CDH13: variants seen among roughly 807,000 people sequenced by gnomAD.
CDH13 encodes cadherin 13, also known as cadherin-13.
In CDH13, 24 loss-of-function variants were observed where a neutral mutation model predicts 63.8. That is an observed-to-expected ratio of 0.38 (90% CI 0.27 to 0.53). The LOEUF is 0.53. Among genes scored for constraint, CDH13 ranks in the 20% least tolerant of loss-of-function variants. The probability of loss-of-function intolerance (pLI) is 0.85; values close to 1 mark genes in which losing one functional copy is unlikely to be tolerated. For synonymous variants in CDH13, 503 were observed against 355.3 expected (o/e 1.42, Z -4.67); for missense variants, 1,049 against 903.1 (o/e 1.16, Z -2.07).
intron 8 of CDH13, among the ~76,000 whole-genome samples, chr16:83,659,709 A>AT (rs1567492098): frequency 6.6e-6 from 1 of 151,992 alleles, no homozygotes; most frequent in East Asian, 1.9e-4. Context: ...CTTTTCTCAG[A>AT]TAAGTGAACT....
chr16:83,200,633 C>T lies in CDH13; in HGVS notation c.484-16712C>T, dbSNP rs539647869. Among the ~76,000 whole-genome samples, 7 of 152,262 alleles carry T rather than the reference C, an allele frequency of 4.6e-5. No homozygotes were observed. The South Asian group carries it at 8.3e-4, about 18-fold the overall frequency. On this transcript the variant is annotated intron_variant, in intron 4 of 13. Coordinates refer to ENST00000567109, the MANE Select transcript of CDH13 (RefSeq NM_001257.5). ...TTGGGCAATTGTGTTTACCCAGGGTCGTTTTGGGGAATATTAGTAACCGAA... is the reference window on the plus strand; with the variant it reads ...TTGGGCAATTGTGTTTACCCAGGGTTGTTTTGGGGAATATTAGTAACCGAA...
chr16:83,550,557 C>T (rs2075471675), intron 7 of CDH13, among the ~76,000 whole-genome samples: 2 of 152,188 alleles, frequency 1.3e-5, no homozygotes, highest in Non-Finnish European at 2.9e-5. Context: ...CTGGCCCATG[C>T]ATGCAAACCA....
chr16:83,349,255 T>A (rs559058215), intron 6 of CDH13, among the ~76,000 whole-genome samples: 2 of 152,230 alleles, frequency 1.3e-5, no homozygotes, highest in Non-Finnish European at 2.9e-5. Context: ...GGCATACAGA[T>A]CTCTGTGTGA....
chr16:83,464,259 T>C (rs1325350013), intron 6 of CDH13, among the ~76,000 whole-genome samples: 1 of 152,024 alleles, frequency 6.6e-6, no homozygotes, highest in African/African-American at 2.4e-5. Flanking sequence ...ACGCCTGTAA[T>C]CCCAGCACTT....
At chr16:82,647,058 C>A (rs35463752) in intron 1 of CDH13, among the ~76,000 whole-genome samples, 12,026 of 152,118 alleles carry the variant, frequency 0.079, 1,465 homozygotes, top group African/African-American at 0.26. Context: ...GTTAAGAGCC[C>A]AGGCCTCGAG....
chr16:82,882,188 G>A (rs1432594905), intron 2 of CDH13, among the ~76,000 whole-genome samples: 12 of 152,128 alleles, frequency 7.9e-5, no homozygotes. Context: ...GCCATGGTGT[G>A]AATAAAGCAC....
intron 6 of CDH13, among the ~76,000 whole-genome samples, chr16:83,362,130 T>G (rs1246999076): frequency 6.6e-6 from 1 of 152,286 alleles, no homozygotes; most frequent in South Asian, 2.1e-4. Flanking sequence ...GCTCATCAAG[T>G]GTCTCCAAGA....
chr16:82,777,917 T>C (rs1332265131), intron 1 of CDH13, among the ~76,000 whole-genome samples: 3 of 152,126 alleles, frequency 2.0e-5, no homozygotes, highest in Non-Finnish European at 2.9e-5. Context: ...ACTTGATTCG[T>C]CAGAGAAAAT....
At position 83,671,410 on chromosome 16, in the gene CDH13, G is replaced by A. The variant is rs143979938; in HGVS notation, c.1284+438G>A. Among the ~76,000 whole-genome samples, 618 of 151,980 alleles carry A rather than the reference G, an allele frequency of 4.1e-3. 2 individuals carry two copies. Among genetic ancestry groups the A allele is most frequent in the Admixed American group, 9.0e-3 (137 of 15,252 alleles). On this transcript the variant is annotated intron_variant, in intron 9 of 13. Coordinates refer to ENST00000567109, the MANE Select transcript of CDH13 (RefSeq NM_001257.5). ...ATTACAGCTGCCTGCCACCATGTCCGGCCAGTTTTTGTATTTTTAGTAGAG... is the reference window on the plus strand; with the variant it reads ...ATTACAGCTGCCTGCCACCATGTCCAGCCAGTTTTTGTATTTTTAGTAGAG...
At chr16:83,484,160 C>G (rs889333813) in intron 6 of CDH13, among the ~76,000 whole-genome samples, 5 of 152,192 alleles carry the variant, frequency 3.3e-5, no homozygotes, top group African/African-American at 1.2e-4. Context: ...GGCCTAATGA[C>G]TGATACTCTG....
intron 1 of CDH13, among the ~76,000 whole-genome samples, chr16:82,732,915 G>A (rs1198384012): frequency 6.6e-6 from 1 of 152,140 alleles, no homozygotes; most frequent in East Asian, 1.9e-4. Flanking sequence ...TTCCTATCTG[G>A]AATTTAAATT....
chr16:82,880,378 T>C (rs1415728644), intron 2 of CDH13, among the ~76,000 whole-genome samples: 3 of 152,228 alleles, frequency 2.0e-5, no homozygotes, highest in African/African-American at 7.2e-5. Context: ...GATTGCTTCA[T>C]ATATCGGTGG....
chr16:83,415,444 CCAGA>C (rs1410438233), intron 6 of CDH13, among the ~76,000 whole-genome samples: 3 of 152,050 alleles, frequency 2.0e-5, no homozygotes, highest in Non-Finnish European at 4.4e-5. Context: ...GACACCAAAG[CCAGA>C]CAAACACCAC....
rs3041877 is a variant in CDH13 at position 82,677,446 on chromosome 16, C to CTTTT, written c.45+50323_45+50326dup. ...TATACAAAGGAAAGGACTCTTCTGC[C>CTTTT]TTTTTTTTTTTTTTTTTGGTTTTTA... On this transcript the variant is annotated intron_variant, in intron 1 of 13. Transcript: ENST00000567109. Among the ~76,000 whole-genome samples, 397 of 130,692 alleles carry CTTTT rather than the reference C, an allele frequency of 3.0e-3. 3 individuals are homozygous for CTTTT. The highest frequency in any genetic ancestry group is 6.9e-3 in the East Asian group (29 of 4,208). 85.7% of individuals were successfully genotyped at this position (130,692 alleles called of 152,430 possible).
At chr16:83,334,390 C>CAA (rs1567599414) in intron 5 of CDH13, among the ~76,000 whole-genome samples, 5 of 150,336 alleles carry the variant, frequency 3.3e-5, no homozygotes, top group Non-Finnish European at 7.4e-5. Context: ...CACACACACA[C>CAA]ACACAGAATC....
intron 8 of CDH13, among the ~76,000 whole-genome samples, chr16:83,668,895 C>T (rs970691634): frequency 1.4e-4 from 21 of 152,190 alleles, no homozygotes; most frequent in Non-Finnish European, 2.9e-4. Context: ...CTGCTGAGCC[C>T]AGATGTACTG....
chr16:82,633,520 A>G (rs1230063203), intron 1 of CDH13, among the ~76,000 whole-genome samples: 1 of 152,202 alleles, frequency 6.6e-6, no homozygotes, highest in Non-Finnish European at 1.5e-5. Flanking sequence ...CTGGGATTAC[A>G]GGTGCCCGCC....
intron 5 of CDH13, among the ~76,000 whole-genome samples, chr16:83,296,628 T>A (rs192601577): frequency 1.1e-4 from 16 of 151,584 alleles, no homozygotes; most frequent in Admixed American, 3.3e-4. Flanking sequence ...ACAACACAAG[T>A]ACACACACAC....
intron 2 of CDH13, among the ~76,000 whole-genome samples, chr16:82,936,667 A>G (rs1324677179): frequency 6.6e-6 from 1 of 152,138 alleles, no homozygotes; most frequent in Non-Finnish European, 1.5e-5. Flanking sequence ...GCTACTTTAG[A>G]TCGTAACGTT....
Sources: gnomAD v4.1 joint callset for allele counts (sites outside exome capture counted in the v4.1 genomes callset) on GRCh38, gnomAD v4.1.1 for gene constraint, MANE v1.5 for transcripts, NCBI Gene and HGNC (gene_info 2026-07-23, HGNC 2026-07-21) for gene names.